The following PPDPFL variants were observed in gnomAD, a reference collection of about 807,000 sequenced individuals.
PPDPFL encodes pancreatic progenitor cell differentiation and proliferation factor like.
A neutral mutation model predicts 12.6 loss-of-function variants in PPDPFL; 12 were observed. The ratio of observed to expected loss-of-function variants is 0.95; its 90% CI spans 0.61 to 1.54. The LOEUF is 1.54. Among genes scored for constraint, PPDPFL ranks in the 40% most tolerant of loss-of-function variants. The pLI is 0.00. For synonymous variants in PPDPFL, 24 were observed against 32.7 expected (o/e 0.73, Z 0.91); for missense variants, 114 against 96.0 (o/e 1.19, Z -0.78).
chr8:49,054,518 A>G (rs1808083058), intron 1 of PPDPFL: 1 of 152,196 alleles, frequency 6.6e-6, no homozygotes, highest in Non-Finnish European at 1.5e-5. Context: ...CTTCTGGTCA[A>G]CAGTTAAGAT....
intron 1 of PPDPFL, among the ~76,000 whole-genome samples, chr8:49,066,794 T>A (rs184275363): frequency 1.2e-4 from 19 of 152,304 alleles, no homozygotes; most frequent in African/African-American, 4.6e-4. Context: ...GTCTAGAAGA[T>A]CCAGCAGCCT....
At chr8:49,063,788 C>T (rs1178561015) in intron 1 of PPDPFL, among the ~76,000 whole-genome samples, 1 of 152,078 alleles carries the variant, frequency 6.6e-6, no homozygotes, top group African/African-American at 2.4e-5. Flanking sequence ...CCTACAAAAA[C>T]CAGCTGGATC....
chr8:49,065,722 G>A (rs1182274983), intron 1 of PPDPFL, among the ~76,000 whole-genome samples: 2 of 152,182 alleles, frequency 1.3e-5, no homozygotes, highest in Non-Finnish European at 2.9e-5. Flanking sequence ...GGAAATGACT[G>A]GGCCTGCTTA....
At position 49,074,099 on chromosome 8, in the gene PPDPFL, T is replaced by A; in HGVS notation, c.96T>A (p.Asp32Glu). ...CAGTTAGTTCTTTAACTAGCTCTGA[T>A]TCTGTTAACTTCATAGATGACGACA... ...VSSVSSLTSS[D>E]SVNFIDDDKP... Residue 32 changes from aspartate (D) to glutamate (E), a missense_variant, in exon 3 of 5, where the codon GAT becomes GAA. Physicochemically the swap from Asp to Glu is conservative, Grantham distance 45 (BLOSUM62 2). Coordinates refer to ENST00000522267, the MANE Select transcript of PPDPFL (RefSeq NM_001256597.2). The A allele has an allele frequency of 6.2e-7, 1 of 1,613,196 alleles. No homozygotes were observed. Among genetic ancestry groups the A allele is most frequent in the South Asian group, 1.1e-5 (1 of 91,058 alleles).
chr8:49,074,583 C>T, intron 4 of PPDPFL: 1 of 1,536,210 alleles, frequency 6.5e-7, no homozygotes, highest in East Asian at 2.4e-5. Context: ...ATATGCCAAA[C>T]TGTGTCATTG....
At chr8:49,055,153 C>G (rs1037734401) in intron 1 of PPDPFL, among the ~76,000 whole-genome samples, 3 of 152,022 alleles carry the variant, frequency 2.0e-5, no homozygotes, top group Non-Finnish European at 2.9e-5. Flanking sequence ...TTTCTGGGCT[C>G]TATGATTTTA....
chr8:49,059,420 C>G (rs897274163), intron 1 of PPDPFL, among the ~76,000 whole-genome samples: 3 of 152,080 alleles, frequency 2.0e-5, no homozygotes, highest in Non-Finnish European at 2.9e-5. Context: ...TACACATTCA[C>G]CAATAATTAG....
intron 1 of PPDPFL, among the ~76,000 whole-genome samples, chr8:49,064,306 C>T (rs932389647): frequency 6.6e-6 from 1 of 152,096 alleles, no homozygotes; most frequent in Non-Finnish European, 1.5e-5. Flanking sequence ...CTGGGTAAAC[C>T]ATTTGTCTCA....
intron 2 of PPDPFL, among the ~76,000 whole-genome samples, chr8:49,073,590 C>G (rs575880146): frequency 1.3e-5 from 2 of 152,228 alleles, no homozygotes; most frequent in South Asian, 4.1e-4. Flanking sequence ...CTTTTATATT[C>G]TGATCTTATA....
chr8:49,074,098 A>T lies in PPDPFL; in HGVS notation c.95A>T (p.Asp32Val), dbSNP rs1165983698. 1 of 1,613,210 alleles carries T rather than the reference A, an allele frequency of 6.2e-7. No individual in the cohort carries two copies. The highest frequency in any genetic ancestry group is 1.3e-5 in the African/African-American group (1 of 74,914). The change falls in exon 3 of 5, where the codon GAT becomes GTT. Residue 32 changes from aspartate to valine, a missense_variant. Transcript: ENST00000522267. ...TCAGTTAGTTCTTTAACTAGCTCTG[A>T]TTCTGTTAACTTCATAGATGACGAC... ...VSSVSSLTSS[D>V]SVNFIDDDKP...
At chr8:49,060,542 A>C (rs1346911440) in intron 1 of PPDPFL, among the ~76,000 whole-genome samples, 1 of 152,014 alleles carries the variant, frequency 6.6e-6, no homozygotes, top group African/African-American at 2.4e-5. Flanking sequence ...CGAACTCCTG[A>C]CCTCAGGTGA....
intron 1 of PPDPFL, among the ~76,000 whole-genome samples, chr8:49,055,362 G>A (rs970928320): frequency 6.6e-6 from 1 of 151,938 alleles, no homozygotes; most frequent in Non-Finnish European, 1.5e-5. Flanking sequence ...TTGCACCTTG[G>A]ACACCACACT....
chr8:49,055,412 A>G (rs1003665552), intron 1 of PPDPFL, among the ~76,000 whole-genome samples: 1 of 151,844 alleles, frequency 6.6e-6, no homozygotes, highest in Non-Finnish European at 1.5e-5. Flanking sequence ...CTCAGGCCCC[A>G]TTTCCTGTGC....
In PPDPFL at chr8:49,075,888, C is replaced by T. The variant is rs1456699462; in HGVS notation, c.*715C>T. 1 of 152,220 alleles carries T rather than the reference C, an allele frequency of 6.6e-6. No homozygotes were observed. Among genetic ancestry groups the T allele is most frequent in the Non-Finnish European group, 1.5e-5 (1 of 68,182 alleles). 9.4% of individuals were successfully genotyped at this position (152,220 alleles called of 1,614,324 possible). A position where few individuals can be genotyped will look rare whatever the true frequency, so the allele number is the denominator to read the frequency against. ...TTAGCATAATACACCATATATGGTACAATCGTAGTTGTATTAAAAAGTTAC... is the reference window on the plus strand; with the variant it reads ...TTAGCATAATACACCATATATGGTATAATCGTAGTTGTATTAAAAAGTTAC... On this transcript the variant is annotated 3_prime_UTR_variant, in exon 5 of 5. Transcript: ENST00000522267.
At chr8:49,069,255 G>A (rs1024966582), upstream of PPDPFL, among the ~76,000 whole-genome samples, 39 of 152,164 alleles carry the variant, frequency 2.6e-4, no homozygotes, top group Non-Finnish European at 4.9e-4. Context: ...AGATCAAGCA[G>A]TAACACATTG....
At chr8:49,064,654 G>T (rs1226432461) in intron 1 of PPDPFL, among the ~76,000 whole-genome samples, 1 of 152,056 alleles carries the variant, frequency 6.6e-6, no homozygotes, top group Non-Finnish European at 1.5e-5. Context: ...ATTTTCCCAA[G>T]AAAAGTCTTT....
intron 1 of PPDPFL, among the ~76,000 whole-genome samples, chr8:49,061,073 G>T (rs1032508038): frequency 1.3e-5 from 2 of 152,008 alleles, no homozygotes; most frequent in Non-Finnish European, 1.5e-5. Flanking sequence ...TGGCAGTGTG[G>T]ACCCTGTCAT....
At chr8:49,074,539 T>A in intron 4 of PPDPFL, 1 of 1,536,878 alleles carries the variant, frequency 6.5e-7, no homozygotes, top group Non-Finnish European at 8.7e-7. Context: ...TAGCACCCTT[T>A]CCAGTTCAAT....
chr8:49,065,867 T>A (rs1808291095), intron 1 of PPDPFL, among the ~76,000 whole-genome samples: 1 of 152,212 alleles, frequency 6.6e-6, no homozygotes, highest in Non-Finnish European at 1.5e-5. Context: ...CCTATTGACG[T>A]CCGAGTTGAT....
Sources: gnomAD v4.1 joint callset for allele counts (sites outside exome capture counted in the v4.1 genomes callset) on GRCh38, gnomAD v4.1.1 for gene constraint, MANE v1.5 for transcripts, NCBI Gene and HGNC (gene_info 2026-07-23, HGNC 2026-07-21) for gene names.